The following ARFGAP3 variants were observed in gnomAD, a reference collection of about 807,000 sequenced individuals.
ARFGAP3 encodes the protein ARF GTPase activating protein 3, also known as ADP-ribosylation factor GTPase-activating protein 3.
ARFGAP3 carries 72 observed loss-of-function variants against 75.0 expected under a neutral mutation model. The observed-to-expected ratio is 0.96, with a 90% confidence interval of 0.79 to 1.17. ARFGAP3 has a LOEUF of 1.17. Among genes scored for constraint, ARFGAP3 ranks in the 50% most tolerant of loss-of-function variants. The pLI, the probability that ARFGAP3 is intolerant of heterozygous loss-of-function variation, is 0.00. For missense variants in ARFGAP3, 620 were observed against 626.6 expected (o/e 0.99, Z 0.11); for synonymous variants, 221 against 217.9 (o/e 1.01, Z -0.13).
chr22:42,846,451 T>C (rs1042184393), intron 2 of ARFGAP3, among the ~76,000 whole-genome samples: 2 of 152,260 alleles, frequency 1.3e-5, no homozygotes, highest in African/African-American at 2.4e-5. Flanking sequence ...CCCATCAGAC[T>C]GTCAGTCCAA....
intron 6 of ARFGAP3, among the ~76,000 whole-genome samples, chr22:42,831,018 G>A (rs1926259025): frequency 6.6e-6 from 1 of 150,530 alleles, no homozygotes; most frequent in Non-Finnish European, 1.5e-5. Flanking sequence ...CAGAAGGGTC[G>A]GCCAGGTGTG....
chr22:42,836,176 T>A (rs560104346), intron 3 of ARFGAP3, among the ~76,000 whole-genome samples: 45 of 151,870 alleles, frequency 3.0e-4, no homozygotes, highest in Admixed American at 2.6e-3. Flanking sequence ...AGAGATGGGG[T>A]CTTGTTATGT....
intron 7 of ARFGAP3, 127 bp from the exon 8 acceptor site, chr22:42,823,829 TC>T: frequency 1.7e-6 from 2 of 1,198,736 alleles, no homozygotes; most frequent in Non-Finnish European, 2.2e-6. Context: ...CACTTTAGTT[TC>T]TCATCCAGAA....
intron 6 of ARFGAP3, among the ~76,000 whole-genome samples, chr22:42,830,312 C>T (rs1041577857): frequency 6.6e-6 from 1 of 152,102 alleles, no homozygotes; most frequent in Non-Finnish European, 1.5e-5. Flanking sequence ...AACATGACTC[C>T]ACTCTGGGAC....
Position 42,797,609 on chromosome 22 carries a change from A to G in ARFGAP3, c.1534-4T>C, listed in dbSNP as rs759712281. 1 of 1,614,074 alleles carries G rather than the reference A, an allele frequency of 6.2e-7. No homozygotes were observed. ...AGTATTAAGAACCGTAGCGATCCTG[A>G]AGAGAGAACCAAAATGGAAGTTCAC... On this transcript the variant is annotated splice_polypyrimidine_tract_variant and splice_region_variant and intron_variant, in intron 15 of 15. Coordinates refer to ENST00000263245, the MANE Select transcript of ARFGAP3 (RefSeq NM_014570.5).
chr22:42,806,617 G>A (rs961785280), intron 14 of ARFGAP3, among the ~76,000 whole-genome samples: 10 of 152,214 alleles, frequency 6.6e-5, no homozygotes, highest in Non-Finnish European at 1.5e-4. Flanking sequence ...ACTTCACATT[G>A]CTCATTTAAG....
chr22:42,851,765 T>C (rs1927286048), intron 1 of ARFGAP3, among the ~76,000 whole-genome samples: 1 of 152,232 alleles, frequency 6.6e-6, no homozygotes, highest in Non-Finnish European at 1.5e-5. Context: ...GTTCTTATGG[T>C]GATGAGCAAG....
chr22:42,833,390 C>T (rs1555898611), intron 5 of ARFGAP3, among the ~76,000 whole-genome samples: 1 of 152,124 alleles, frequency 6.6e-6, no homozygotes, highest in Non-Finnish European at 1.5e-5. Context: ...ATAAGACATG[C>T]AACTAAATTC....
chr22:42,845,430 G>A (rs1926969669), intron 2 of ARFGAP3, among the ~76,000 whole-genome samples: 1 of 151,294 alleles, frequency 6.6e-6, no homozygotes, highest in Non-Finnish European at 1.5e-5. Flanking sequence ...GAGACTGAGG[G>A]CAGGAGAATC....
At position 42,807,305 on chromosome 22, in the gene ARFGAP3, G is replaced by A. The variant is rs567493610; in HGVS notation, c.1321-142C>T. 8 of 1,435,388 alleles carry A rather than the reference G, an allele frequency of 5.6e-6. No homozygotes were observed. In the East Asian group the frequency reaches 7.5e-5, roughly 14 times the overall value. The allele number at this position is 1,435,388 out of a possible 1,614,324, so 88.9% of individuals were successfully genotyped here. A position where few individuals can be genotyped will look rare whatever the true frequency, so the allele number is the denominator to read the frequency against. Reference sequence around the variant, plus strand: ...AACAGTTACTGAATGCCACTGCCAAGGCCAGGTCCTGCGGGACAGCACAAA... The same window carrying A: ...AACAGTTACTGAATGCCACTGCCAAAGCCAGGTCCTGCGGGACAGCACAAA... On this transcript the variant is annotated intron_variant, in intron 13 of 15. Coordinates refer to ENST00000263245, the MANE Select transcript of ARFGAP3 (RefSeq NM_014570.5).
intron 2 of ARFGAP3, 96 bp downstream of exon 2, chr22:42,847,418 C>T: frequency 1.8e-6 from 2 of 1,093,436 alleles, no homozygotes; most frequent in Non-Finnish European, 1.4e-6. Flanking sequence ...GGCGACAAGG[C>T]AAGACACTGT....
chr22:42,797,702 G>A lies in ARFGAP3; in HGVS notation c.1534-97C>T, dbSNP rs1924666035. 5.0e-6 allele frequency: 8 copies of A among 1,611,812 alleles called. No homozygotes were observed. The Admixed American group carries it at 1.3e-4, about 27-fold the overall frequency. ...CAGCATCACCCAAATTGACACTGCAGCCCATGTCAGGCATGTGACATGGAC... is the reference window on the plus strand; with the variant it reads ...CAGCATCACCCAAATTGACACTGCAACCCATGTCAGGCATGTGACATGGAC... On this transcript the variant is annotated intron_variant, in intron 15 of 15. Transcript: ENST00000263245.
chr22:42,829,445 G>C (rs2146557594), intron 6 of ARFGAP3, among the ~76,000 whole-genome samples: 1 of 152,276 alleles, frequency 6.6e-6, no homozygotes, highest in African/African-American at 2.4e-5. Flanking sequence ...TGTGGCTGCA[G>C]TATAGTGTAA....
chr22:42,850,824 G>T (rs1202222419), intron 1 of ARFGAP3, among the ~76,000 whole-genome samples: 1 of 152,194 alleles, frequency 6.6e-6, no homozygotes, highest in East Asian at 1.9e-4. Context: ...ATTTACTTTG[G>T]TGTTTACTGA....
intron 3 of ARFGAP3, among the ~76,000 whole-genome samples, chr22:42,838,557 G>A (rs1283628972): frequency 1.3e-5 from 2 of 151,510 alleles, no homozygotes; most frequent in Non-Finnish European, 2.9e-5. Context: ...TCAGCCTCCC[G>A]AAGTGTTGGG....
At chr22:42,811,243 G>A (rs1390548500) in intron 11 of ARFGAP3, among the ~76,000 whole-genome samples, 1 of 152,218 alleles carries the variant, frequency 6.6e-6, no homozygotes, top group East Asian at 1.9e-4. Context: ...GATGACACAT[G>A]GAGGACAGGT....
chr22:42,816,057 T>C (rs181847064), intron 11 of ARFGAP3, among the ~76,000 whole-genome samples: 1,611 of 152,306 alleles, frequency 0.011, 29 homozygotes, highest in African/African-American at 0.036. Context: ...GAGGTTGCAG[T>C]GAGCCGAGAT....
intron 7 of ARFGAP3, among the ~76,000 whole-genome samples, chr22:42,824,170 ATTTTTTT>A (rs57620930): frequency 1.7e-5 from 1 of 59,842 alleles, no homozygotes; most frequent in African/African-American, 7.3e-5. Context: ...ACATCTGGCT[ATTTTTTT>A]TTTTTTTTTT....
In ARFGAP3 at chr22:42,834,254, G is replaced by T. The variant is rs757516897; in HGVS notation, c.465C>A (p.His155Gln). 8 of 1,613,728 alleles carry T rather than the reference G, an allele frequency of 5.0e-6. No homozygotes were observed. Among genetic ancestry groups the T allele is most frequent in the African/African-American group, 1.3e-5 (1 of 74,878 alleles). Residue 155 changes from histidine (H) to glutamine (Q), a missense_variant, in exon 5 of 16, where the codon CAC becomes CAA. Transcript: ENST00000263245. ...GCATAATACATACCTCAGGAGAAAC[G>T]TGAGAGGCAAAAAAATCTTCCTCCT... is the stretch of plus-strand genomic sequence containing the variant. ...PPKEEDFFAS[H>Q]VSPEVSDTAW...
Sources: gnomAD v4.1 joint callset for allele counts (sites outside exome capture counted in the v4.1 genomes callset) on GRCh38, gnomAD v4.1.1 for gene constraint, MANE v1.5 for transcripts, NCBI Gene and HGNC (gene_info 2026-07-23, HGNC 2026-07-21) for gene names.